NOVA2: variants seen among roughly 807,000 people sequenced by gnomAD.
NOVA2 encodes the protein NOVA alternative splicing regulator 2.
In NOVA2, 9 loss-of-function variants were observed where a neutral mutation model predicts 22.5. That is an observed-to-expected ratio of 0.40 (90% CI 0.24 to 0.70). NOVA2 has a LOEUF of 0.70. Among genes scored for constraint, NOVA2 ranks in the 30% least tolerant of loss-of-function variants. The probability of loss-of-function intolerance (pLI) is 0.38; values close to 1 mark genes in which losing one functional copy is unlikely to be tolerated. For missense variants in NOVA2, 383 were observed against 682.8 expected (o/e 0.56, Z 4.89); for synonymous variants, 318 against 335.2 (o/e 0.95, Z 0.56).
rs768168868 is a variant in NOVA2 at position 45,937,915 on chromosome 19, T to C, written c.*1948A>G. 6.6e-6 allele frequency: 1 copy of C among 152,144 alleles called. No individual in the cohort carries two copies. Among genetic ancestry groups the C allele is most frequent in the Non-Finnish European group, 1.5e-5 (1 of 68,030 alleles). 9.4% of individuals were successfully genotyped at this position (152,144 alleles called of 1,614,324 possible). On this transcript the variant is annotated 3_prime_UTR_variant, in exon 4 of 4. Transcript: ENST00000263257. ...GCTTTAGGGGCAGGAATTGTCTCTG[T>C]GGCTTTTCTTCCCTCCTTTTTTAGG...
At chr19:45,970,965 G>A (rs10421565) in intron 1 of NOVA2, among the ~76,000 whole-genome samples, 4,296 of 152,176 alleles carry the variant, frequency 0.028, 228 homozygotes, top group African/African-American at 0.098. Context: ...TAGTTTCCCC[G>A]CTGTGGAGGG....
rs1442555226 is a variant in NOVA2 at position 45,937,951 on chromosome 19, G to A, written c.*1912C>T. On this transcript the variant is annotated 3_prime_UTR_variant, in exon 4 of 4. Transcript: ENST00000263257. Reference sequence around the variant, plus strand: ...CCCTCCTTTTTTAGGAGAGAGACAAGGAGGCTGGATTTCCCCCAAAGTCAT... The same window carrying A: ...CCCTCCTTTTTTAGGAGAGAGACAAAGAGGCTGGATTTCCCCCAAAGTCAT... The A allele has an allele frequency of 6.6e-6, 1 of 152,192 alleles. No homozygotes were observed. The highest frequency in any genetic ancestry group is 1.5e-5 in the Non-Finnish European group (1 of 68,050). 9.4% of individuals were successfully genotyped at this position (152,192 alleles called of 1,614,324 possible).
At chr19:45,948,694 A>G (rs958878012) in intron 3 of NOVA2, among the ~76,000 whole-genome samples, 1 of 152,138 alleles carries the variant, frequency 6.6e-6, no homozygotes, top group African/African-American at 2.4e-5. Context: ...TAAATCCCAC[A>G]TCTGCGGTAC....
At position 45,939,083 on chromosome 19, in the gene NOVA2, T is replaced by C. The variant is rs1210055337; in HGVS notation, c.*780A>G. 6.6e-6 allele frequency: 1 copy of C among 152,260 alleles called. No homozygotes were observed. The highest frequency in any genetic ancestry group is 1.9e-4 in the East Asian group (1 of 5,184). 9.4% of individuals were successfully genotyped at this position (152,260 alleles called of 1,614,324 possible). On this transcript the variant is annotated 3_prime_UTR_variant, in exon 4 of 4. Transcript: ENST00000263257. ...CCCTCATTGCCATTACTCTAAGCCATCAGAGATACCACACCAAGTTGATCC... is the reference window on the plus strand; with the variant it reads ...CCCTCATTGCCATTACTCTAAGCCACCAGAGATACCACACCAAGTTGATCC...
rs1164148625 is a variant in NOVA2, at chr19:45,936,987, C to G, written c.*2876G>C. 6.6e-6 allele frequency: 1 copy of G among 152,166 alleles called. No homozygotes were observed. The highest frequency in any genetic ancestry group is 1.5e-5 in the Non-Finnish European group (1 of 68,046). The allele number at this position is 152,166 out of a possible 1,614,324, so 9.4% of individuals were successfully genotyped here. A position where few individuals can be genotyped will look rare whatever the true frequency, so the allele number is the denominator to read the frequency against. On this transcript the variant is annotated 3_prime_UTR_variant, in exon 4 of 4. Transcript: ENST00000263257. ...AAACTGCAGCACAAAAGATTGAGGT[C>G]AGATTGCAGAAGGGACTTTCAAGAG...
At chr19:45,963,129 C>T (rs1297405113) in intron 1 of NOVA2, among the ~76,000 whole-genome samples, 1 of 152,076 alleles carries the variant, frequency 6.6e-6, no homozygotes, top group African/African-American at 2.4e-5. Context: ...AATCCCAGCA[C>T]TGTGGAAGGC....
intron 2 of NOVA2, among the ~76,000 whole-genome samples, chr19:45,958,789 G>A (rs1968053007): frequency 1.3e-5 from 2 of 152,296 alleles, no homozygotes; most frequent in East Asian, 1.9e-4. Context: ...CAGCCTCCGA[G>A]TATGCCATTT....
rs2146401406 is a variant in NOVA2 at position 45,934,999 on chromosome 19, A to G, written c.*4864T>C. On this transcript the variant is annotated 3_prime_UTR_variant, in exon 4 of 4. Transcript: ENST00000263257. ...GGATGAACACAGAAAGGGTTAATCA[A>G]AAAGAGTTCGATGAGCGAGTCTGAC... The G allele has an allele frequency of 6.6e-6, 1 of 152,154 alleles. No individual in the cohort carries two copies. The highest frequency in any genetic ancestry group is 1.5e-5 in the Non-Finnish European group (1 of 68,022). 9.4% of individuals were successfully genotyped at this position (152,154 alleles called of 1,614,324 possible).
chr19:45,952,447 C>T (rs1265169940), intron 3 of NOVA2, among the ~76,000 whole-genome samples: 1 of 152,204 alleles, frequency 6.6e-6, no homozygotes, highest in African/African-American at 2.4e-5. Context: ...CTTTGGAACA[C>T]TCGAGTAATA....
At chr19:45,950,164 CTT>C (rs61551112) in intron 3 of NOVA2, among the ~76,000 whole-genome samples, 3,168 of 132,542 alleles carry the variant, frequency 0.024, 121 homozygotes, top group African/African-American at 0.08. Flanking sequence ...TGGAAACATT[CTT>C]TTTTTTTTTT....
At chr19:45,964,737 T>A (rs1422911591) in intron 1 of NOVA2, among the ~76,000 whole-genome samples, 1 of 152,020 alleles carries the variant, frequency 6.6e-6, no homozygotes, top group Non-Finnish European at 1.5e-5. Context: ...ATTTTAAAAT[T>A]TTTTGTAGAG....
At chr19:45,946,848 C>T (rs1438770366) in intron 3 of NOVA2, among the ~76,000 whole-genome samples, 1 of 150,322 alleles carries the variant, frequency 6.7e-6, no homozygotes, top group Non-Finnish European at 1.5e-5. Flanking sequence ...GCATTCCAGC[C>T]TGGTGAGTGA....
At position 45,940,586 on chromosome 19, in the gene NOVA2, C is replaced by G; in HGVS notation, c.756G>C (p.Leu252=). 1 of 1,446,660 alleles carries G rather than the reference C, an allele frequency of 6.9e-7. No individual in the cohort carries two copies. The highest frequency in any genetic ancestry group is 1.4e-5 in the South Asian group (1 of 71,572). The allele number at this position is 1,446,660 out of a possible 1,614,324, so 89.6% of individuals were successfully genotyped here. A position where few individuals can be genotyped will look rare whatever the true frequency, so the allele number is the denominator to read the frequency against. The change falls in exon 4 of 4, where the codon CTG becomes CTC. Residue 252 remains leucine (L), a synonymous_variant. Transcript: ENST00000263257. ...CGCCAGCCAGCCCGGCGGGGCCCAG[C>G]AGGCCGGAGGCGGCGGCGGCCGACG... ...AAASAAAASG[L]LGPAGLAGVG... is the part of the protein sequence containing the mutation.
At chr19:45,968,653 G>A (rs1446415657) in intron 1 of NOVA2, among the ~76,000 whole-genome samples, 5 of 152,098 alleles carry the variant, frequency 3.3e-5, no homozygotes, top group East Asian at 3.9e-4. Context: ...CCAGCCTTAC[G>A]CTATGTGCTT....
Position 45,939,838 on chromosome 19 carries a change from A to C in NOVA2, c.*25T>G. The C allele has an allele frequency of 6.2e-7, 1 of 1,612,436 alleles. No individual in the cohort carries two copies. The highest frequency in any genetic ancestry group is 8.5e-7 in the Non-Finnish European group (1 of 1,179,064). On this transcript the variant is annotated 3_prime_UTR_variant, in exon 4 of 4. Transcript: ENST00000263257. ...AGAGGAGGAGATGGGAGGAGAGAAA[A>C]GGGTGGGAGCACACACCACAGGCCT... is the stretch of plus-strand genomic sequence containing the variant.
chr19:45,961,830 G>A (rs1409450215), intron 1 of NOVA2, among the ~76,000 whole-genome samples: 5 of 152,206 alleles, frequency 3.3e-5, no homozygotes, highest in Non-Finnish European at 7.3e-5. Flanking sequence ...TATGGAGGAA[G>A]GAACGGAACC....
intron 2 of NOVA2, among the ~76,000 whole-genome samples, chr19:45,959,822 G>C (rs552457256): frequency 8.2e-4 from 48 of 58,414 alleles, no homozygotes; most frequent in African/African-American, 1.7e-3. Context: ...GACAGAGAGG[G>C]AGAGAGAGAG....
At chr19:45,941,464 G>T (rs975689435) in intron 3 of NOVA2, among the ~76,000 whole-genome samples, 41 of 151,964 alleles carry the variant, frequency 2.7e-4, no homozygotes, top group African/African-American at 9.7e-4. Context: ...CACCAAACTG[G>T]CGAAGGGAGG....
intron 1 of NOVA2, among the ~76,000 whole-genome samples, chr19:45,972,719 C>T (rs1968248648): frequency 6.6e-6 from 1 of 152,118 alleles, no homozygotes; most frequent in African/African-American, 2.4e-5. Flanking sequence ...CACATTCTCC[C>T]ACCTAGCTTT....
Sources: gnomAD v4.1 joint callset for allele counts (sites outside exome capture counted in the v4.1 genomes callset) on GRCh38, gnomAD v4.1.1 for gene constraint, MANE v1.5 for transcripts, NCBI Gene and HGNC (gene_info 2026-07-23, HGNC 2026-07-21) for gene names.